DNAH8: variants seen among roughly 807,000 people sequenced by gnomAD.
DNAH8 encodes axonemal beta dynein heavy chain 8.
A neutral mutation model predicts 562.1 loss-of-function variants in DNAH8; 382 were observed. The ratio of observed to expected loss-of-function variants is 0.68; its 90% CI spans 0.63 to 0.74. DNAH8 has a LOEUF of 0.74. DNAH8 is among the 30% of genes least tolerant of loss of function. The pLI, the probability that DNAH8 is intolerant of heterozygous loss-of-function variation, is 0.00. For missense variants in DNAH8, 5,203 were observed against 5,620.4 expected, an observed-to-expected ratio of 0.93 and a Z score of 2.37; for synonymous variants, 1,881 against 1,919.4, an observed-to-expected ratio of 0.98 and a Z score of 0.52.
rs1186041071 is a variant in DNAH8, at chr6:38,929,545, A to C, written c.11153A>C (p.His3718Pro). The C allele has an allele frequency of 3.7e-6, 6 of 1,612,918 alleles. No homozygotes were observed. Among genetic ancestry groups the C allele is most frequent in the Non-Finnish European group, 5.1e-6 (6 of 1,179,406 alleles). ...TSLNHKYFRT[H>P]LEDSLSLGRP... ...CTGAACCATAAATATTTTCGCACAC[A>C]CTTGGAGGACAGCCTTTCCTTGGGC... The change falls in exon 75 of 93, where the codon CAC (histidine) becomes CCC (proline). Residue 3718 changes from histidine to proline, a missense_variant. Around this residue, in one of 6 missense-constraint regions of DNAH8, gnomAD observed 1,399 missense variants for 1,518.4 expected, o/e 0.92. Coordinates refer to ENST00000327475, the MANE Select transcript of DNAH8 (RefSeq NM_001206927.2).
At chr6:38,927,655 A>G (rs1483999954) in intron 74 of DNAH8, among the ~76,000 whole-genome samples, 6 of 152,038 alleles carry the variant, frequency 3.9e-5, no homozygotes, top group East Asian at 1.9e-4. Flanking sequence ...CTGGCTTTCA[A>G]TCTCCCTGCT....
intron 18 of DNAH8, among the ~76,000 whole-genome samples, chr6:38,788,281 AG>A (rs2127651899): frequency 6.6e-6 from 1 of 152,066 alleles, no homozygotes; most frequent in South Asian, 2.1e-4. Flanking sequence ...CCTCCCGAAT[AG>A]CTGGGACTAC....
intron 9 of DNAH8, among the ~76,000 whole-genome samples, chr6:38,755,037 C>T (rs953319888): frequency 2.0e-5 from 3 of 152,068 alleles, no homozygotes; most frequent in Non-Finnish European, 4.4e-5. Context: ...CTTTCCTCCT[C>T]CTGGTAGCAT....
At chr6:38,974,752 C>T (rs376136730) in intron 85 of DNAH8, among the ~76,000 whole-genome samples, 34 of 152,262 alleles carry the variant, frequency 2.2e-4, no homozygotes, top group African/African-American at 8.2e-4. Context: ...GTAAGATTCT[C>T]CAGGGTGAAG....
intron 74 of DNAH8, among the ~76,000 whole-genome samples, chr6:38,927,299 A>G (rs1782197565): frequency 6.6e-6 from 1 of 152,198 alleles, no homozygotes; most frequent in African/African-American, 2.4e-5. Flanking sequence ...CAAACATCCT[A>G]TTTAGTGGTG....
At chr6:38,849,562 T>G (rs1775572328) in intron 37 of DNAH8, among the ~76,000 whole-genome samples, 1 of 147,794 alleles carries the variant, frequency 6.8e-6, no homozygotes, top group East Asian at 1.9e-4. Flanking sequence ...TAAAAGAGGT[T>G]TTTTTTTTGC....
chr6:38,773,520 C>A (rs73734458), intron 12 of DNAH8, among the ~76,000 whole-genome samples: 5,300 of 152,210 alleles, frequency 0.035, 265 homozygotes, highest in African/African-American at 0.12. Flanking sequence ...AATACAACTT[C>A]AAGCCACAAG....
At chr6:38,887,148 A>G in intron 57 of DNAH8, 144 bp downstream of exon 57, 1 of 613,020 alleles carries the variant, frequency 1.6e-6, no homozygotes, top group Non-Finnish European at 2.9e-6. Flanking sequence ...AAGAGGGACT[A>G]AATACTAAGG....
chr6:38,816,077 AT>A (rs1334827868), intron 26 of DNAH8, among the ~76,000 whole-genome samples: 1 of 151,422 alleles, frequency 6.6e-6, no homozygotes, highest in African/African-American at 2.4e-5. Context: ...ATTTTATTTT[AT>A]TTTATTTTAT....
intron 75 of DNAH8, 126 bp downstream of exon 75, chr6:38,929,792 C>A: frequency 1.2e-6 from 1 of 850,132 alleles, no homozygotes; most frequent in Non-Finnish European, 1.7e-6. Context: ...TTGAGCATAG[C>A]AGCAAATGCA....
At position 38,802,849 on chromosome 6, in the gene DNAH8, G is replaced by T. The variant is rs58620448; in HGVS notation, c.2902-330G>T. Among the ~76,000 whole-genome samples, 21,077 of 152,224 alleles carry T rather than the reference G, an allele frequency of 0.14. 1,665 individuals are homozygous for T. Among genetic ancestry groups the T allele is most frequent in the Admixed American group, 0.23 (3,511 of 15,294 alleles). ...TGTCTTCTTTTGAAACCACATCTCA[G>T]TTTCAACTTCTGGCATCATCTTCTC... is the stretch of plus-strand genomic sequence containing the variant. On this transcript the variant is annotated intron_variant, in intron 21 of 92. Transcript: ENST00000327475.
intron 57 of DNAH8, among the ~76,000 whole-genome samples, chr6:38,889,625 A>C (rs1779198306): frequency 6.6e-6 from 1 of 152,214 alleles, no homozygotes. Flanking sequence ...CTGCCCAATC[A>C]AGGCCTTTTA....
chr6:38,955,347 C>A (rs1323210853), intron 82 of DNAH8, among the ~76,000 whole-genome samples: 1 of 150,940 alleles, frequency 6.6e-6, no homozygotes, highest in Admixed American at 6.6e-5. Flanking sequence ...AGAAAGAAAA[C>A]TGGCTGGGCA....
At chr6:39,005,961 A>C (rs553157373) in intron 88 of DNAH8, among the ~76,000 whole-genome samples, 3 of 152,338 alleles carry the variant, frequency 2.0e-5, no homozygotes, top group African/African-American at 7.2e-5. Flanking sequence ...CTGGCTTTGC[A>C]AATATAGAAA....
At chr6:38,987,091 C>T (rs1368408657) in intron 87 of DNAH8, among the ~76,000 whole-genome samples, 1 of 152,168 alleles carries the variant, frequency 6.6e-6, no homozygotes, top group Non-Finnish European at 1.5e-5. Flanking sequence ...ATCCGGAGGT[C>T]ATGGTGGAGC....
chr6:38,913,372 T>C (rs1367508258), intron 66 of DNAH8, among the ~76,000 whole-genome samples: 1 of 152,216 alleles, frequency 6.6e-6, no homozygotes, highest in African/African-American at 2.4e-5. Flanking sequence ...TTCTCTACGG[T>C]GCTAAAAGTT....
chr6:38,844,326 T>C (rs1288241691), intron 35 of DNAH8, among the ~76,000 whole-genome samples: 1 of 152,216 alleles, frequency 6.6e-6, no homozygotes, highest in Non-Finnish European at 1.5e-5. Context: ...TTTGCTTTTT[T>C]ACTTACTTTA....
At chr6:38,841,751 T>C (rs1362207246) in intron 33 of DNAH8, among the ~76,000 whole-genome samples, 1 of 152,138 alleles carries the variant, frequency 6.6e-6, no homozygotes, top group Non-Finnish European at 1.5e-5. Context: ...AGGATCTTGT[T>C]CTGTTGCCCA....
chr6:38,767,187 A>G (rs1767088885), intron 11 of DNAH8, among the ~76,000 whole-genome samples: 1 of 152,142 alleles, frequency 6.6e-6, no homozygotes, highest in South Asian at 2.1e-4. Flanking sequence ...CTGTAATCCC[A>G]GCACTTTGGG....
Sources: allele counts gnomAD v4.1 joint callset (sites outside exome capture counted in the v4.1 genomes callset), GRCh38; gene constraint gnomAD v4.1.1; regional missense constraint gnomAD v4.1.1; transcripts MANE v1.5; gene names NCBI Gene and HGNC (gene_info 2026-07-23, HGNC 2026-07-21).